The following SND1 variants were observed in gnomAD, a reference collection of about 807,000 sequenced individuals.
SND1 encodes staphylococcal nuclease domain-containing protein 1.
SND1 carries 38 observed loss-of-function variants against 121.7 expected under a neutral mutation model. The ratio of observed to expected loss-of-function variants is 0.31; its 90% CI spans 0.24 to 0.41. SND1 has a LOEUF of 0.41. SND1 is among the 10% of genes least tolerant of loss of function. SND1 has a pLI of 1.00. For synonymous variants in SND1, 401 were observed against 447.4 expected (o/e 0.90, Z 1.31); for missense variants, 868 against 1,184.6 (o/e 0.73, Z 3.92).
intron 13 of SND1, among the ~76,000 whole-genome samples, chr7:127,898,064 T>A (rs1336703294): frequency 2.0e-5 from 3 of 152,144 alleles, no homozygotes; most frequent in East Asian, 1.9e-4. Context: ...AGTTTGCAAC[T>A]GTGTTCCCCT....
chr7:127,932,079 GT>G (rs1800966409), intron 15 of SND1, among the ~76,000 whole-genome samples: 1 of 152,204 alleles, frequency 6.6e-6, no homozygotes, highest in Non-Finnish European at 1.5e-5. Flanking sequence ...TAAGAAATAT[GT>G]TTTGTAAGCC....
intron 16 of SND1, among the ~76,000 whole-genome samples, chr7:128,034,666 T>TA (rs1178003721): frequency 6.6e-6 from 1 of 152,196 alleles, no homozygotes; most frequent in Non-Finnish European, 1.5e-5. Context: ...TGTCTCTCAG[T>TA]AAGTATTTGT....
At chr7:127,687,515 A>G (rs1405054654) in intron 2 of SND1, among the ~76,000 whole-genome samples, 2 of 152,062 alleles carry the variant, frequency 1.3e-5, no homozygotes, top group African/African-American at 2.4e-5. Flanking sequence ...TTCTATCTAT[A>G]TGTCCATGTG....
At chr7:127,663,680 T>G (rs1795359506) in intron 1 of SND1, among the ~76,000 whole-genome samples, 2 of 152,072 alleles carry the variant, frequency 1.3e-5, no homozygotes. Context: ...CTGGCCTTAC[T>G]GTACTTCTTA....
At chr7:127,685,875 C>G (rs980982676) in intron 1 of SND1, 15 of 151,712 alleles carry the variant, frequency 9.9e-5, no homozygotes, top group African/African-American at 3.4e-4. Flanking sequence ...GTAGGGACTT[C>G]CCTCAGCTTC....
At chr7:127,657,267 A>G (rs540621661) in intron 1 of SND1, among the ~76,000 whole-genome samples, 42 of 152,336 alleles carry the variant, frequency 2.8e-4, no homozygotes, top group African/African-American at 7.2e-4. Flanking sequence ...AGAAATAAGC[A>G]TGATCATACA....
intron 15 of SND1, among the ~76,000 whole-genome samples, chr7:127,956,974 G>T (rs1220000683): frequency 6.6e-6 from 1 of 152,184 alleles, no homozygotes; most frequent in Non-Finnish European, 1.5e-5. Flanking sequence ...ACACTGCCTA[G>T]ATCAGAGTGG....
chr7:128,040,576 G>A (rs943921706), intron 16 of SND1, among the ~76,000 whole-genome samples: 3 of 150,064 alleles, frequency 2.0e-5, no homozygotes, highest in African/African-American at 7.4e-5. Context: ...GAAAATTTTA[G>A]CATCTGTAAA....
At chr7:127,872,662 A>ACACG (rs1328092002) in intron 12 of SND1, among the ~76,000 whole-genome samples, 1 of 148,746 alleles carries the variant, frequency 6.7e-6, no homozygotes, top group Admixed American at 6.7e-5. Flanking sequence ...ACACACACAC[A>ACACG]CACACACGAC....
chr7:127,979,801 ATTC>A (rs1170440149), intron 15 of SND1, among the ~76,000 whole-genome samples: 13 of 152,332 alleles, frequency 8.5e-5, no homozygotes, highest in South Asian at 4.1e-4. Context: ...TGTCACAAAT[ATTC>A]TTCTTCTGAT....
chr7:128,072,783 G>A (rs112706288), intron 16 of SND1, among the ~76,000 whole-genome samples: 2,105 of 152,170 alleles, frequency 0.014, 26 homozygotes, highest in South Asian at 0.033. Flanking sequence ...TTGTTCCAGC[G>A]CCCTGGGCAT....
At chr7:127,854,692 G>T (rs1799239030) in intron 12 of SND1, among the ~76,000 whole-genome samples, 1 of 151,670 alleles carries the variant, frequency 6.6e-6, no homozygotes, top group South Asian at 2.1e-4. Flanking sequence ...TAAGGAGAGG[G>T]GGCATTTGAC....
At chr7:127,705,717 G>A (rs909675907) in intron 8 of SND1, among the ~76,000 whole-genome samples, 3 of 152,018 alleles carry the variant, frequency 2.0e-5, no homozygotes, top group Non-Finnish European at 2.9e-5. Context: ...AATGATGCTC[G>A]GGAAAGTCTG....
At chr7:128,083,719 C>T (rs1451908817) in intron 18 of SND1, among the ~76,000 whole-genome samples, 1 of 152,172 alleles carries the variant, frequency 6.6e-6, no homozygotes, top group Non-Finnish European at 1.5e-5. Context: ...ACAGCACTGC[C>T]TTGGGCCTGA....
chr7:127,707,501 G>T, intron 8 of SND1, 56 bp from the exon 9 acceptor site: 1 of 1,409,728 alleles, frequency 7.1e-7, no homozygotes, highest in Non-Finnish European at 1.0e-6. Flanking sequence ...TCCCATGGTA[G>T]TGGTGGATTC....
intron 13 of SND1, among the ~76,000 whole-genome samples, chr7:127,895,986 C>T (rs1407107805): frequency 6.6e-6 from 1 of 152,082 alleles, no homozygotes; most frequent in Non-Finnish European, 1.5e-5. Context: ...TTAGCTTTAT[C>T]TCCTGTCTTG....
chr7:127,740,562 A>G (rs6467144), intron 10 of SND1, among the ~76,000 whole-genome samples: 3,428 of 152,284 alleles, frequency 0.023, 137 homozygotes, highest in African/African-American at 0.078. Flanking sequence ...CAGAGGAAAA[A>G]TGTTAAGAAT....
At chr7:127,857,488 T>G (rs1227517465) in intron 12 of SND1, among the ~76,000 whole-genome samples, 2 of 151,546 alleles carry the variant, frequency 1.3e-5, no homozygotes, top group Non-Finnish European at 2.9e-5. Flanking sequence ...AAAAATGTAT[T>G]TTTGTTTTCA....
At chr7:127,797,658 G>A (rs563844614) in intron 10 of SND1, among the ~76,000 whole-genome samples, 1 of 152,338 alleles carries the variant, frequency 6.6e-6, no homozygotes, top group Non-Finnish European at 1.5e-5. Context: ...TTTCTTCAGT[G>A]GGTGTGGGAG....
Sources: allele counts gnomAD v4.1 joint callset (sites outside exome capture counted in the v4.1 genomes callset), GRCh38; gene constraint gnomAD v4.1.1; transcripts MANE v1.5; gene names NCBI Gene and HGNC (gene_info 2026-07-23, HGNC 2026-07-21).